The following DLGAP2 variants were observed in gnomAD, a reference collection of about 807,000 sequenced individuals.
DLGAP2 encodes the protein DLG associated protein 2, also known as disks large-associated protein 2.
DLGAP2 carries 26 observed loss-of-function variants against 100.3 expected under a neutral mutation model. That is an observed-to-expected ratio of 0.26 (90% CI 0.19 to 0.36). The LOEUF (loss-of-function observed/expected upper bound fraction) is 0.36, where lower values mean the gene tolerates loss of function less well. Among genes scored for constraint, DLGAP2 ranks in the 10% least tolerant of loss-of-function variants. DLGAP2 has a pLI of 1.00. For synonymous variants in DLGAP2, 886 were observed against 630.1 expected, an observed-to-expected ratio of 1.41 and a Z score of -6.08; for missense variants, 1,858 against 1,453.2, an observed-to-expected ratio of 1.28 and a Z score of -4.53.
At chr8:1,106,740 G>C (rs111780318) in intron 2 of DLGAP2, among the ~76,000 whole-genome samples, 1 of 150,392 alleles carries the variant, frequency 6.6e-6, no homozygotes, top group Non-Finnish European at 1.5e-5. Context: ...CATTCTAGGA[G>C]GGTTTTCTAT....
intron 4 of DLGAP2, 29 bp downstream of exon 4, chr8:1,501,460 G>A: frequency 6.5e-7 from 1 of 1,534,898 alleles, no homozygotes; most frequent in Non-Finnish European, 8.7e-7. Flanking sequence ...CCCCGCTCTG[G>A]CGGGGCCCGG....
intron 2 of DLGAP2, among the ~76,000 whole-genome samples, chr8:1,113,875 A>G (rs933746098): frequency 3.3e-5 from 5 of 152,278 alleles, no homozygotes; most frequent in Admixed American, 1.3e-4. Flanking sequence ...TGTTCCTTCA[A>G]TACCTAGTAT....
At position 1,177,319 on chromosome 8, in the gene DLGAP2, A is replaced by C. The variant is rs150025294; in HGVS notation, c.74-81532A>C. The stretch of plus-strand genomic sequence containing the variant: ...TATGTTCTTGGAGTATTTTTTGCTC[A>C]GGAGAGGCATTATATCATAAGCCTG... On this transcript the variant is annotated intron_variant, in intron 2 of 14. Transcript: ENST00000637795. 3.2e-4 allele frequency among the ~76,000 whole-genome samples: 48 copies of C among 152,124 alleles called. No individual in the cohort carries two copies. The East Asian group carries it at 5.0e-3, about 16-fold the overall frequency.
chr8:1,414,215 A>C (rs1460233000), intron 3 of DLGAP2, among the ~76,000 whole-genome samples: 2 of 152,172 alleles, frequency 1.3e-5, no homozygotes, highest in East Asian at 3.9e-4. Flanking sequence ...AGAAAGTGCT[A>C]AAGCTGGAAA....
intron 2 of DLGAP2, among the ~76,000 whole-genome samples, chr8:1,212,861 A>C (rs1205540036): frequency 6.8e-6 from 1 of 146,500 alleles, no homozygotes; most frequent in African/African-American, 2.5e-5. Context: ...TCATCTTCTC[A>C]AAAACATCAC....
rs538383040 is a variant in DLGAP2 at position 784,757 on chromosome 8, C to G, written c.18+46932C>G. Among the ~76,000 whole-genome samples the G allele has an allele frequency of 1.1e-3, 165 of 152,332 alleles. 1 individual carries two copies. The highest frequency in any genetic ancestry group is 3.9e-3 in the African/African-American group (163 of 41,584). ...CACACGGGCCCATGCCTGTGAAGAC[C>G]AGTGCCATCTGTACACCTTTTGAAA... On this transcript the variant is annotated intron_variant, in intron 1 of 14. Transcript: ENST00000637795.
At chr8:781,114 C>T (rs1285191111) in intron 1 of DLGAP2, among the ~76,000 whole-genome samples, 1 of 152,132 alleles carries the variant, frequency 6.6e-6, no homozygotes, top group Non-Finnish European at 1.5e-5. Context: ...GATCTTTATT[C>T]CCTTAAGAGT....
At chr8:1,447,297 G>C (rs916507778) in intron 3 of DLGAP2, among the ~76,000 whole-genome samples, 2 of 152,170 alleles carry the variant, frequency 1.3e-5, no homozygotes, top group Admixed American at 1.3e-4. Context: ...TTAGCATGAA[G>C]GTTGTTGAAT....
chr8:1,688,335 G>A (rs1297305087), intron 12 of DLGAP2: 1 of 152,244 alleles, frequency 6.6e-6, no homozygotes, highest in Non-Finnish European at 1.5e-5. Flanking sequence ...GTGTTAAGAT[G>A]CCCGACAGAC....
At chr8:1,586,908 T>C (rs1382086856) in intron 6 of DLGAP2, among the ~76,000 whole-genome samples, 1 of 152,238 alleles carries the variant, frequency 6.6e-6, no homozygotes, top group African/African-American at 2.4e-5. Context: ...GAAGCTTTTA[T>C]GCTTTCACCT....
chr8:1,169,095 C>A (rs1214352670), intron 2 of DLGAP2, among the ~76,000 whole-genome samples: 3 of 148,710 alleles, frequency 2.0e-5, no homozygotes, highest in Non-Finnish European at 4.5e-5. Flanking sequence ...CAGCTTTCTC[C>A]ATATGGCTAG....
intron 3 of DLGAP2, among the ~76,000 whole-genome samples, chr8:1,456,481 A>G (rs1217892251): frequency 6.6e-6 from 1 of 152,208 alleles, no homozygotes; most frequent in Non-Finnish European, 1.5e-5. Context: ...CGGATCAAGA[A>G]TCTGCTGAAT....
At chr8:1,619,826 T>C (rs549484656) in intron 6 of DLGAP2, 1 of 152,216 alleles carries the variant, frequency 6.6e-6, no homozygotes, top group Non-Finnish European at 1.5e-5. Context: ...AATGTGGGCT[T>C]TCAGGCATCA....
intron 3 of DLGAP2, among the ~76,000 whole-genome samples, chr8:1,277,640 A>T (rs1199098500): frequency 6.6e-6 from 1 of 152,224 alleles, no homozygotes; most frequent in Non-Finnish European, 1.5e-5. Flanking sequence ...CAGGCAGGTC[A>T]GTATCTGAGT....
intron 1 of DLGAP2, among the ~76,000 whole-genome samples, chr8:771,991 C>T (rs1821375687): frequency 6.6e-6 from 1 of 152,150 alleles, no homozygotes; most frequent in Non-Finnish European, 1.5e-5. Context: ...TAGCCTCCAA[C>T]TCCTGGACTC....
intron 4 of DLGAP2, among the ~76,000 whole-genome samples, chr8:1,514,348 T>C (rs890313656): frequency 3.9e-5 from 6 of 152,390 alleles, no homozygotes; most frequent in African/African-American, 7.2e-5. Context: ...GTGTTTTCAA[T>C]GGCACACATG....
intron 3 of DLGAP2, among the ~76,000 whole-genome samples, chr8:1,310,711 G>A (rs1453242539): frequency 3.3e-5 from 5 of 152,100 alleles, no homozygotes; most frequent in African/African-American, 1.2e-4. Flanking sequence ...AGGCTGGAGT[G>A]CAGTAGTGCA....
intron 10 of DLGAP2, among the ~76,000 whole-genome samples, chr8:1,672,488 C>G (rs931659534): frequency 6.6e-6 from 1 of 152,162 alleles, no homozygotes; most frequent in African/African-American, 2.4e-5. Context: ...TCAGCCTCCC[C>G]AAGTGCTGGG....
intron 3 of DLGAP2, among the ~76,000 whole-genome samples, chr8:1,500,158 G>C (rs1440512668): frequency 6.6e-6 from 1 of 152,214 alleles, no homozygotes. Context: ...TCATCATTCT[G>C]ATACCCCATA....
Sources: allele counts gnomAD v4.1 joint callset (sites outside exome capture counted in the v4.1 genomes callset), GRCh38; gene constraint gnomAD v4.1.1; transcripts MANE v1.5; gene names NCBI Gene and HGNC (gene_info 2026-07-23, HGNC 2026-07-21).